Variants in MAN1A2 observed in about 807,000 individuals in gnomAD.
MAN1A2 encodes mannosyl-oligosaccharide 1,2-alpha-mannosidase IB.
MAN1A2 carries 26 observed loss-of-function variants against 75.7 expected under a neutral mutation model. That is an observed-to-expected ratio of 0.34 (90% CI 0.25 to 0.48). MAN1A2 has a LOEUF of 0.48. Among genes scored for constraint, MAN1A2 ranks in the 20% least tolerant of loss-of-function variants. The pLI, the probability that MAN1A2 is intolerant of heterozygous loss-of-function variation, is 0.99. For missense variants in MAN1A2, 562 were observed against 775.5 expected (o/e 0.72, Z 3.27); for synonymous variants, 247 against 264.6 (o/e 0.93, Z 0.65).
At chr1:117,484,420 C>T (rs1458986876) in intron 8 of MAN1A2, among the ~76,000 whole-genome samples, 1 of 151,942 alleles carries the variant, frequency 6.6e-6, no homozygotes, top group African/African-American at 2.4e-5. Context: ...CTTGGGAACA[C>T]TTTCAGATTG....
chr1:117,518,873 G>T (rs911941334), intron 12 of MAN1A2, among the ~76,000 whole-genome samples: 15 of 151,926 alleles, frequency 9.9e-5, no homozygotes, highest in Admixed American at 3.3e-4. Context: ...TCCAATAACC[G>T]CAGAATACAC....
intron 1 of MAN1A2, among the ~76,000 whole-genome samples, chr1:117,385,652 T>C (rs981775645): frequency 6.6e-5 from 10 of 152,190 alleles, no homozygotes; most frequent in Non-Finnish European, 1.5e-4. Context: ...CCAGAATACT[T>C]TTCCATTTGT....
In MAN1A2 at chr1:117,528,554, A is replaced by G. The variant is rs889457096; in HGVS notation, c.*5597A>G. ...TTCTGTAAGATGTATACCAGAAAAC[A>G]TAATAAAGATAAGCTCAGTTCTTCA... On this transcript the variant is annotated 3_prime_UTR_variant, in exon 13 of 13. Coordinates refer to ENST00000356554, the MANE Select transcript of MAN1A2 (RefSeq NM_006699.5). 7.2e-5 allele frequency: 11 copies of G among 152,266 alleles called. No individual in the cohort carries two copies. Among genetic ancestry groups the G allele is most frequent in the Admixed American group, 3.9e-4 (6 of 15,280 alleles). The allele number at this position is 152,266 out of a possible 1,614,324, so 9.4% of individuals were successfully genotyped here.
In MAN1A2 at chr1:117,438,707, T is replaced by C. The variant is rs544159925; in HGVS notation, c.856-3524T>C. 2.0e-5 allele frequency among the ~76,000 whole-genome samples: 3 copies of C among 152,320 alleles called. No individual in the cohort carries two copies. In the South Asian group the frequency reaches 6.2e-4, roughly 32 times the overall value. ...GGTAAACAAATACTTACCATTGTGTTAAAATTACCTACAACGTTCGATACA... is the reference window on the plus strand; with the variant it reads ...GGTAAACAAATACTTACCATTGTGTCAAAATTACCTACAACGTTCGATACA... On this transcript the variant is annotated intron_variant, in intron 5 of 12. Transcript: ENST00000356554.
chr1:117,505,016 G>C (rs985107129), intron 12 of MAN1A2, among the ~76,000 whole-genome samples: 8 of 151,112 alleles, frequency 5.3e-5, no homozygotes, highest in African/African-American at 1.9e-4. Context: ...TTTTCTTTTT[G>C]TAATTAATAA....
At chr1:117,442,154 A>G (rs2306444) in intron 5 of MAN1A2, 77 bp from the exon 6 acceptor site, 1 of 914,814 alleles carries the variant, frequency 1.1e-6, no homozygotes, top group Non-Finnish European at 1.8e-6. Context: ...TGTGCTATGT[A>G]TACTATGAGA....
chr1:117,491,555 G>T (rs1035734470), intron 8 of MAN1A2, among the ~76,000 whole-genome samples: 1 of 151,984 alleles, frequency 6.6e-6, no homozygotes, highest in Non-Finnish European at 1.5e-5. Flanking sequence ...GATTAATGTT[G>T]GTTTCATGCC....
intron 12 of MAN1A2, among the ~76,000 whole-genome samples, chr1:117,504,929 A>T (rs1411552502): frequency 6.6e-6 from 1 of 151,502 alleles, no homozygotes; most frequent in Non-Finnish European, 1.5e-5. Flanking sequence ...AAAGAGACAC[A>T]TAATAGTTTA....
rs546538482 is a variant in MAN1A2, at chr1:117,467,190, C to A, written c.1168+763C>A. On this transcript the variant is annotated intron_variant, in intron 8 of 12. Transcript: ENST00000356554. ...ATTGTAGGTTTATCAATGCTATTCT[C>A]TTTTAAAAGTTAGGAAAACAAAAAC... is the stretch of plus-strand genomic sequence containing the variant. 2.3e-3 allele frequency among the ~76,000 whole-genome samples: 357 copies of A among 152,214 alleles called. 5 individuals are homozygous for A. The highest frequency in any genetic ancestry group is 8.1e-3 in the African/African-American group (337 of 41,550).
chr1:117,393,488 GT>G (rs1557932064), intron 1 of MAN1A2, among the ~76,000 whole-genome samples: 1 of 143,232 alleles, frequency 7.0e-6, no homozygotes, highest in African/African-American at 2.7e-5. Context: ...TTTTTTTTTT[GT>G]GTGTGTGTGT....
At chr1:117,481,966 G>A (rs981301718) in intron 8 of MAN1A2, among the ~76,000 whole-genome samples, 1 of 151,778 alleles carries the variant, frequency 6.6e-6, no homozygotes, top group African/African-American at 2.4e-5. Flanking sequence ...TCTTTTTACA[G>A]GATGACAAAA....
intron 1 of MAN1A2, among the ~76,000 whole-genome samples, chr1:117,400,977 C>G (rs954481812): frequency 6.6e-6 from 1 of 152,080 alleles, no homozygotes; most frequent in African/African-American, 2.4e-5. Flanking sequence ...TTTCATCTTG[C>G]AAACCTGAAA....
intron 5 of MAN1A2, among the ~76,000 whole-genome samples, chr1:117,432,424 C>T (rs1441099480): frequency 1.4e-4 from 20 of 146,158 alleles, no homozygotes; most frequent in East Asian, 6.2e-4. Context: ...ATAGCAGGAG[C>T]AAATGGTATT....
Position 117,526,880 on chromosome 1 carries a change from C to CTCTATA in MAN1A2, c.*3924_*3925insCTATAT. On this transcript the variant is annotated 3_prime_UTR_variant, in exon 13 of 13. Coordinates refer to ENST00000356554, the MANE Select transcript of MAN1A2 (RefSeq NM_006699.5). ...TCTCTCTCTCTCTCTCTCTCTCTCT[C>CTCTATA]TATATATATATATATATATATATAT... 136 of 54,502 alleles carry CTCTATA rather than the reference C, an allele frequency of 2.5e-3. 1 individual carries two copies. Among genetic ancestry groups the CTCTATA allele is most frequent in the Middle Eastern group, 0.015 (1 of 68 alleles). The allele number at this position is 54,502 out of a possible 1,614,324, so 3.4% of individuals were successfully genotyped here.
intron 5 of MAN1A2, 64 bp from the exon 6 acceptor site, chr1:117,442,167 G>C: frequency 9.8e-7 from 1 of 1,018,712 alleles, no homozygotes; most frequent in Non-Finnish European, 1.6e-6. Flanking sequence ...CTATGAGAGA[G>C]AGAGCAATAA....
intron 1 of MAN1A2, among the ~76,000 whole-genome samples, chr1:117,380,133 TTCTC>T (rs937613981): frequency 2.0e-5 from 3 of 152,292 alleles, no homozygotes; most frequent in South Asian, 4.1e-4. Flanking sequence ...TTTCTTTATA[TTCTC>T]TCTAATATTT....
At chr1:117,474,251 G>C (rs372027315) in intron 8 of MAN1A2, among the ~76,000 whole-genome samples, 1 of 151,876 alleles carries the variant, frequency 6.6e-6, no homozygotes, top group Non-Finnish European at 1.5e-5. Context: ...CCCAAAACTC[G>C]TATCAACCCA....
chr1:117,467,311 A>C (rs981990688), intron 8 of MAN1A2, among the ~76,000 whole-genome samples: 5 of 152,288 alleles, frequency 3.3e-5, no homozygotes, highest in Middle Eastern at 3.4e-3. Flanking sequence ...GACAAAAGTA[A>C]TGATCATTTA....
chr1:117,368,711 G>T (rs138982690), intron 1 of MAN1A2, among the ~76,000 whole-genome samples: 1,796 of 152,088 alleles, frequency 0.012, 22 homozygotes, highest in Middle Eastern at 0.031. Flanking sequence ...TACCTAAGTC[G>T]TTCTTCTCTT....
Sources: gnomAD v4.1 joint callset for allele counts (sites outside exome capture counted in the v4.1 genomes callset) on GRCh38, gnomAD v4.1.1 for gene constraint, MANE v1.5 for transcripts, NCBI Gene and HGNC (gene_info 2026-07-23, HGNC 2026-07-21) for gene names.